Variants in MKLN1 observed in about 807,000 individuals in gnomAD.
MKLN1 encodes muskelin.
A neutral mutation model predicts 99.0 loss-of-function variants in MKLN1; 18 were observed. That is an observed-to-expected ratio of 0.18 (90% CI 0.13 to 0.27). The LOEUF (loss-of-function observed/expected upper bound fraction) is 0.27. Among genes scored for constraint, MKLN1 ranks in the 10% least tolerant of loss-of-function variants. The pLI is 1.00. For missense variants in MKLN1, 621 were observed against 875.9 expected (o/e 0.71, Z 3.67); for synonymous variants, 288 against 293.2 (o/e 0.98, Z 0.18).
chr7:131,120,582 A>ATT (rs1396835840), intron 1 of MKLN1, among the ~76,000 whole-genome samples: 2 of 151,756 alleles, frequency 1.3e-5, no homozygotes, highest in Non-Finnish European at 2.9e-5. Flanking sequence ...AGAAAAGAAA[A>ATT]TTTTTCTGCC....
At chr7:131,110,098 C>A, upstream of MKLN1, 2 of 280,818 alleles carry the variant, frequency 7.1e-6, no homozygotes, top group South Asian at 2.9e-5. Context: ...AGGGGAGGAA[C>A]CTGATCCTCC....
At chr7:131,452,676 G>C (rs558291666) in intron 12 of MKLN1, among the ~76,000 whole-genome samples, 1 of 145,786 alleles carries the variant, frequency 6.9e-6, no homozygotes, top group African/African-American at 2.5e-5. Flanking sequence ...TCAGCCTCCC[G>C]AATAGCTGGG....
At chr7:131,140,567 C>G (rs1309447314) in intron 1 of MKLN1, among the ~76,000 whole-genome samples, 1 of 152,190 alleles carries the variant, frequency 6.6e-6, no homozygotes, top group Non-Finnish European at 1.5e-5. Context: ...CTCGTGCTCT[C>G]TCTCTGGCCA....
intron 7 of MKLN1, among the ~76,000 whole-genome samples, chr7:131,413,394 T>G (rs2116338093): frequency 6.6e-6 from 1 of 152,274 alleles, no homozygotes; most frequent in East Asian, 1.9e-4. Context: ...AATTTTACAT[T>G]AGGAGAAAGC....
At chr7:131,133,675 A>G in intron 1 of MKLN1, among the ~76,000 whole-genome samples, 1 of 150,886 alleles carries the variant, frequency 6.6e-6, no homozygotes, top group South Asian at 2.1e-4. Context: ...TTTTTTATAG[A>G]TGGGGTCTCA....
intron 3 of MKLN1, among the ~76,000 whole-genome samples, chr7:131,223,844 C>G (rs970046486): frequency 2.0e-5 from 3 of 151,960 alleles, no homozygotes; most frequent in Non-Finnish European, 4.4e-5. Flanking sequence ...TCGGCTTACT[C>G]CAGCCTCCGC....
intron 2 of MKLN1, among the ~76,000 whole-genome samples, chr7:131,191,718 T>C (rs1011091290): frequency 2.6e-4 from 22 of 85,188 alleles, no homozygotes; most frequent in Non-Finnish European, 4.1e-4. Flanking sequence ...TTTTTTTTCC[T>C]TTTTTTTTTT....
At chr7:131,156,549 T>C (rs920686797) in intron 2 of MKLN1, among the ~76,000 whole-genome samples, 2 of 151,380 alleles carry the variant, frequency 1.3e-5, no homozygotes, top group Non-Finnish European at 2.9e-5. Context: ...GATGTGCAGA[T>C]ACTACTCTCT....
At chr7:131,409,438 G>T (rs1486432631) in intron 6 of MKLN1, among the ~76,000 whole-genome samples, 1 of 152,126 alleles carries the variant, frequency 6.6e-6, no homozygotes, top group Non-Finnish European at 1.5e-5. Flanking sequence ...TTTAGTATTT[G>T]CAGTATTTAC....
At chr7:131,314,743 G>A (rs936303397) in intron 3 of MKLN1, among the ~76,000 whole-genome samples, 1 of 151,744 alleles carries the variant, frequency 6.6e-6, no homozygotes, top group African/African-American at 2.4e-5. Flanking sequence ...TTTTGAGAGA[G>A]AGGGTCTCTC....
chr7:131,169,991 G>A (rs1189401916), intron 2 of MKLN1, among the ~76,000 whole-genome samples: 1 of 152,196 alleles, frequency 6.6e-6, no homozygotes, highest in Non-Finnish European at 1.5e-5. Flanking sequence ...TTGGGAGACT[G>A]AGGTGGGAGG....
At chr7:131,470,581 A>T (rs982936770) in intron 15 of MKLN1, among the ~76,000 whole-genome samples, 2 of 152,184 alleles carry the variant, frequency 1.3e-5, no homozygotes, top group African/African-American at 4.8e-5. Context: ...GTTTTAAGAG[A>T]AGATAGGAAA....
chr7:131,426,338 C>A (rs1795356205), intron 8 of MKLN1, among the ~76,000 whole-genome samples: 1 of 152,166 alleles, frequency 6.6e-6, no homozygotes, highest in South Asian at 2.1e-4. Context: ...ATTGCTATTG[C>A]TATTTTAGTT....
chr7:131,240,732 A>G (rs1563263733), intron 3 of MKLN1, among the ~76,000 whole-genome samples: 1 of 152,246 alleles, frequency 6.6e-6, no homozygotes, highest in South Asian at 2.1e-4. Context: ...AATTTTTATG[A>G]GCCCAGCAAA....
At chr7:131,128,978 G>A (rs1305489903) in intron 1 of MKLN1, among the ~76,000 whole-genome samples, 3 of 144,554 alleles carry the variant, frequency 2.1e-5, no homozygotes, top group Non-Finnish European at 4.5e-5. Context: ...TTATGTATAT[G>A]ACAAGCGGTA....
chr7:131,435,543 A>C lies in MKLN1; in HGVS notation c.961-2242A>C, dbSNP rs187548606. 4.0e-4 allele frequency among the ~76,000 whole-genome samples: 61 copies of C among 152,248 alleles called. 1 individual carries two copies. The East Asian group carries it at 8.9e-3, about 22-fold the overall frequency. ...AGTGCTTGATATAATTTACCAGTGT[A>C]GATATGTGGGCAATTATGAATTCAG... On this transcript the variant is annotated intron_variant, in intron 9 of 17. Coordinates refer to ENST00000352689, the MANE Select transcript of MKLN1 (RefSeq NM_013255.5).
intron 1 of MKLN1, among the ~76,000 whole-genome samples, chr7:131,134,384 A>G (rs73726308): frequency 7.0e-4 from 106 of 151,236 alleles, no homozygotes; most frequent in African/African-American, 2.6e-3. Flanking sequence ...GGTCCTTTTC[A>G]TTGTTTGTCT....
chr7:131,118,405 T>G (rs139419756), intron 1 of MKLN1, among the ~76,000 whole-genome samples: 1 of 151,924 alleles, frequency 6.6e-6, no homozygotes, highest in Non-Finnish European at 1.5e-5. Flanking sequence ...AATACAAAAT[T>G]AGCTGGGCAC....
chr7:131,391,787 T>C (rs1188247595), intron 4 of MKLN1, among the ~76,000 whole-genome samples: 4 of 152,242 alleles, frequency 2.6e-5, no homozygotes, highest in African/African-American at 7.2e-5. Context: ...GGTTTTAATT[T>C]AAGAGTACAT....
Sources: allele counts gnomAD v4.1 joint callset (sites outside exome capture counted in the v4.1 genomes callset), GRCh38; gene constraint gnomAD v4.1.1; transcripts MANE v1.5; gene names NCBI Gene and HGNC (gene_info 2026-07-23, HGNC 2026-07-21).